The following NBAS variants were observed in gnomAD, a reference collection of about 807,000 sequenced individuals.
NBAS encodes the protein NBAS subunit of NRZ tethering complex.
NBAS carries 219 observed loss-of-function variants against 302.5 expected under a neutral mutation model. The observed-to-expected ratio is 0.72, with a 90% CI of 0.65 to 0.81. The LOEUF (loss-of-function observed/expected upper bound fraction) is 0.81, where lower values mean the gene tolerates loss of function less well. Ranked by LOEUF, NBAS falls within the 30% of genes least tolerant of loss-of-function variation. The pLI is 0.00. For missense variants in NBAS, 2,932 were observed against 2,841.6 expected, an observed-to-expected ratio of 1.03 and a Z score of -0.72; for synonymous variants, 1,118 against 1,021.6, an observed-to-expected ratio of 1.09 and a Z score of -1.80.
chr2:14,913,730 C>G, the NBAS span, among the ~76,000 whole-genome samples: 1 of 152,058 alleles, frequency 6.6e-6, no homozygotes, highest in African/African-American at 2.4e-5. Context: ...CAGTAATGAT[C>G]CCATGAAGAG....
intron 6 of NBAS, among the ~76,000 whole-genome samples, chr2:15,541,202 T>A (rs1663801263): frequency 6.6e-6 from 1 of 152,226 alleles, no homozygotes. Context: ...ATCATATTGT[T>A]GTTTACCTAT....
At chr2:14,882,045 A>T in the NBAS span, among the ~76,000 whole-genome samples, 1 of 152,210 alleles carries the variant, frequency 6.6e-6, no homozygotes, top group Admixed American at 6.5e-5. Flanking sequence ...GAAAGAAAAG[A>T]GAAATAATAA....
At chr2:15,202,305 G>T (rs117612433) in intron 48 of NBAS, among the ~76,000 whole-genome samples, 1 of 152,066 alleles carries the variant, frequency 6.6e-6, no homozygotes, top group African/African-American at 2.4e-5. Context: ...AAAACATGCT[G>T]TAATCACTCC....
At chr2:15,509,358 A>G (rs1375439231) in intron 10 of NBAS, among the ~76,000 whole-genome samples, 1 of 152,166 alleles carries the variant, frequency 6.6e-6, no homozygotes. Flanking sequence ...TAGGTCCTGC[A>G]GAGAGAATAA....
At chr2:15,327,982 G>A in intron 37 of NBAS, 112 bp from the exon 38 acceptor site, 1 of 1,414,276 alleles carries the variant, frequency 7.1e-7, no homozygotes, top group South Asian at 1.2e-5. Context: ...AATAATAACT[G>A]CTCACAAACT....
chr2:14,852,910 C>T, the NBAS span, among the ~76,000 whole-genome samples: 1 of 135,392 alleles, frequency 7.4e-6, no homozygotes, highest in East Asian at 2.2e-4. Flanking sequence ...ACACCTTATA[C>T]AAAAATCAAT....
At chr2:15,125,699 A>C in the NBAS span, among the ~76,000 whole-genome samples, 2 of 152,202 alleles carry the variant, frequency 1.3e-5, no homozygotes, top group African/African-American at 4.8e-5. Context: ...GGGCCTGTTA[A>C]CTTTTTCTTT....
chr2:15,186,128 G>GTATA (rs897125295), intron 50 of NBAS, among the ~76,000 whole-genome samples: 21 of 148,390 alleles, frequency 1.4e-4, no homozygotes, highest in African/African-American at 4.9e-4. Context: ...ATGTATGTGT[G>GTATA]TATATATATA....
the NBAS span, among the ~76,000 whole-genome samples, chr2:14,951,867 T>C: frequency 6.6e-6 from 1 of 152,202 alleles, no homozygotes; most frequent in East Asian, 1.9e-4. Context: ...TGAGTCCGTA[T>C]TGTCTGACCA....
At chr2:15,068,682 GCTTTT>G in the NBAS span, among the ~76,000 whole-genome samples, 2 of 152,190 alleles carry the variant, frequency 1.3e-5, no homozygotes, top group Non-Finnish European at 2.9e-5. Context: ...ACTCCGATTT[GCTTTT>G]CTAAGCAATA....
At position 15,218,938 on chromosome 2, in the gene NBAS, C is replaced by A; in HGVS notation, c.6267G>T (p.Leu2089=). Residue 2089 remains leucine (L), a synonymous_variant, in exon 48 of 52, where the codon CTG becomes CTT. Transcript: ENST00000281513. ...GEELVSPEDL[L]EWLRPFCADD... ...CAGCACAGAAAGGCCGCAGCCACTCCAGCAGGTCCTCAGGTGAAACCAGCT... is the reference window on the plus strand; with the variant it reads ...CAGCACAGAAAGGCCGCAGCCACTCAAGCAGGTCCTCAGGTGAAACCAGCT... The A allele has an allele frequency of 6.2e-7, 1 of 1,614,270 alleles. No homozygotes were observed. The highest frequency in any genetic ancestry group is 1.1e-5 in the South Asian group (1 of 91,088).
intron 21 of NBAS, among the ~76,000 whole-genome samples, chr2:15,456,638 C>T (rs929948454): frequency 3.3e-5 from 5 of 152,188 alleles, no homozygotes. Context: ...AGGCAATATT[C>T]TAACTGCAGG....
chr2:15,551,435 A>G, intron 6 of NBAS, 58 bp downstream of exon 6: 1 of 1,143,776 alleles, frequency 8.7e-7, no homozygotes, highest in Non-Finnish European at 1.3e-6. Context: ...TTTAAGAAAC[A>G]TTGGAAACCA....
intron 41 of NBAS, among the ~76,000 whole-genome samples, chr2:15,288,111 C>A (rs1670139301): frequency 6.6e-6 from 1 of 152,226 alleles, no homozygotes; most frequent in African/African-American, 2.4e-5. Context: ...GACTCCAGAG[C>A]CTACAATCAA....
the NBAS span, among the ~76,000 whole-genome samples, chr2:15,057,693 T>C: frequency 2.0e-5 from 3 of 152,248 alleles, no homozygotes; most frequent in Non-Finnish European, 2.9e-5. Context: ...TTTCCATTCC[T>C]GAGTTACTTC....
chr2:15,094,024 T>C, the NBAS span, among the ~76,000 whole-genome samples: 2 of 152,230 alleles, frequency 1.3e-5, no homozygotes, highest in Admixed American at 1.3e-4. Context: ...AAGTGAGTTG[T>C]ATTCATTGTT....
In NBAS at chr2:15,219,623, G is replaced by C. The variant is rs920089238; in HGVS notation, c.6237-655C>G. ...CTGAGTGGACACAGCACATGTTTCA[G>C]AGGGCACAGGGTTGGGGATAAGGTC... On this transcript the variant is annotated intron_variant, in intron 47 of 51. Transcript: ENST00000281513. Among the ~76,000 whole-genome samples, 11 of 139,510 alleles carry C rather than the reference G, an allele frequency of 7.9e-5. 1 individual carries two copies. In the South Asian group the frequency reaches 1.3e-3, roughly 16 times the overall value. 91.5% of individuals were successfully genotyped at this position (139,510 alleles called of 152,430 possible). A position where few individuals can be genotyped will look rare whatever the true frequency, so the allele number is the denominator to read the frequency against.
chr2:14,996,173 AT>A, the NBAS span, among the ~76,000 whole-genome samples: 13 of 152,114 alleles, frequency 8.5e-5, no homozygotes, highest in Non-Finnish European at 1.6e-4. Flanking sequence ...AAGAGACCCC[AT>A]TGGGTCTCTC....
chr2:14,981,886 C>A, the NBAS span, among the ~76,000 whole-genome samples: 6 of 152,138 alleles, frequency 3.9e-5, no homozygotes, highest in Admixed American at 2.6e-4. Flanking sequence ...TAGCTAGTCT[C>A]AAAGGTGGCT....
Sources: allele counts gnomAD v4.1 joint callset (sites outside exome capture counted in the v4.1 genomes callset), GRCh38; gene constraint gnomAD v4.1.1; transcripts MANE v1.5; gene names NCBI Gene and HGNC (gene_info 2026-07-23, HGNC 2026-07-21).